Variants in TMEM178B observed in about 807,000 individuals in gnomAD.
TMEM178B encodes the protein transmembrane protein 178B.
A neutral mutation model predicts 31.0 loss-of-function variants in TMEM178B; 5 were observed. The ratio of observed to expected loss-of-function variants is 0.16; its 90% CI spans 0.08 to 0.34. The LOEUF (loss-of-function observed/expected upper bound fraction) is 0.34. Among genes scored for constraint, TMEM178B ranks in the 10% least tolerant of loss-of-function variants. The probability of loss-of-function intolerance (pLI) is 1.00; values close to 1 mark genes in which losing one functional copy is unlikely to be tolerated. For synonymous variants in TMEM178B, 164 were observed against 164.0 expected (o/e 1.00, Z 0.00); for missense variants, 275 against 400.3 (o/e 0.69, Z 2.67).
chr7:141,141,222 C>T lies in TMEM178B; in HGVS notation c.382+66530C>T, dbSNP rs527550230. Among the ~76,000 whole-genome samples the T allele has an allele frequency of 3.3e-5, 5 of 152,170 alleles. No individual in the cohort carries two copies. The South Asian group carries it at 1.0e-3, about 32-fold the overall frequency. ...GCTTATTTTGTTGCTCCAATTGTTC[C>T]AACCTTGGCCTTTGGTAGCTCTTCC... is the stretch of plus-strand genomic sequence containing the variant. On this transcript the variant is annotated intron_variant, in intron 1 of 3. Transcript: ENST00000565468.
At chr7:141,404,823 G>C (rs116705944) in intron 2 of TMEM178B, among the ~76,000 whole-genome samples, 3,424 of 152,298 alleles carry the variant, frequency 0.022, 50 homozygotes, top group Middle Eastern at 0.037. Context: ...TTCTGAGACT[G>C]TCTGGCTGCT....
Position 141,189,397 on chromosome 7 carries a change from G to A in TMEM178B, c.383-23194G>A, listed in dbSNP as rs568118185. ...GGCCTGTGGGCCGATGCTGGTGGGC[G>A]GGCAGATAGCAGATGGGCAGAGCAG... is the stretch of plus-strand genomic sequence containing the variant. On this transcript the variant is annotated intron_variant, in intron 1 of 3. Coordinates refer to ENST00000565468, the MANE Select transcript of TMEM178B (RefSeq NM_001195278.2). Among the ~76,000 whole-genome samples the A allele has an allele frequency of 1.1e-4, 16 of 152,308 alleles. No homozygotes were observed. In the East Asian group the frequency reaches 2.3e-3, roughly 22 times the overall value.
At chr7:141,320,665 T>C (rs1242215320) in intron 2 of TMEM178B, among the ~76,000 whole-genome samples, 1 of 152,222 alleles carries the variant, frequency 6.6e-6, no homozygotes, top group Admixed American at 6.5e-5. Flanking sequence ...ATTCATTCAC[T>C]CAGCACATTG....
intron 2 of TMEM178B, among the ~76,000 whole-genome samples, chr7:141,226,065 G>A (rs12334085): frequency 0.51 from 76,823 of 151,998 alleles, 21,024 homozygotes; most frequent in African/African-American, 0.72. Context: ...GTGTGGAGGT[G>A]ACACATTTGA....
At chr7:141,454,033 C>T (rs922360600) in intron 3 of TMEM178B, among the ~76,000 whole-genome samples, 15 of 152,132 alleles carry the variant, frequency 9.9e-5, no homozygotes, top group African/African-American at 3.1e-4. Flanking sequence ...CTGTGTCCTT[C>T]CCATTGCCAC....
At chr7:141,227,540 G>A (rs539752641) in intron 2 of TMEM178B, among the ~76,000 whole-genome samples, 31 of 152,278 alleles carry the variant, frequency 2.0e-4, no homozygotes, top group African/African-American at 7.2e-4. Flanking sequence ...GCTAACAGAG[G>A]TTAAATAACT....
At chr7:141,244,445 A>G (rs1032619139) in intron 2 of TMEM178B, among the ~76,000 whole-genome samples, 1 of 152,216 alleles carries the variant, frequency 6.6e-6, no homozygotes, top group East Asian at 1.9e-4. Flanking sequence ...TTGGAATAAA[A>G]GGGGCTAAAA....
intron 2 of TMEM178B, among the ~76,000 whole-genome samples, chr7:141,238,679 C>T (rs549290674): frequency 2.0e-5 from 3 of 152,302 alleles, no homozygotes; most frequent in African/African-American, 2.4e-5. Flanking sequence ...AGCAGTAACG[C>T]GGCTGGGGGC....
intron 3 of TMEM178B, among the ~76,000 whole-genome samples, chr7:141,467,034 G>A (rs907080547): frequency 1.3e-5 from 2 of 151,900 alleles, no homozygotes; most frequent in Non-Finnish European, 2.9e-5. Flanking sequence ...CTCCTCTCCT[G>A]CCCCTGCTTC....
chr7:141,130,030 C>T (rs997435510), intron 1 of TMEM178B, among the ~76,000 whole-genome samples: 86 of 152,062 alleles, frequency 5.7e-4, no homozygotes, highest in South Asian at 4.1e-4. Context: ...AATAGATGAC[C>T]GATGTTTCCT....
intron 2 of TMEM178B, among the ~76,000 whole-genome samples, chr7:141,231,691 A>G (rs1797449442): frequency 6.6e-6 from 1 of 152,240 alleles, no homozygotes; most frequent in Non-Finnish European, 1.5e-5. Flanking sequence ...GCACAGTGGC[A>G]TGGCTCCCTC....
chr7:141,306,308 G>T (rs989327384), intron 2 of TMEM178B, among the ~76,000 whole-genome samples: 1 of 152,182 alleles, frequency 6.6e-6, no homozygotes. Context: ...AGAAGCACAT[G>T]GGAGGGGCCA....
At chr7:141,260,810 A>G (rs535683374) in intron 2 of TMEM178B, among the ~76,000 whole-genome samples, 6 of 152,356 alleles carry the variant, frequency 3.9e-5, no homozygotes. Context: ...TAAAGATAAA[A>G]CCATGTAAGA....
the TMEM178B span, among the ~76,000 whole-genome samples, chr7:141,508,960 C>G: frequency 6.6e-6 from 1 of 152,344 alleles, no homozygotes; most frequent in African/African-American, 2.4e-5. Context: ...TGCAGCAACA[C>G]TGATTTCTTA....
intron 3 of TMEM178B, among the ~76,000 whole-genome samples, chr7:141,460,560 G>T (rs1421377496): frequency 6.6e-6 from 1 of 152,246 alleles, no homozygotes; most frequent in East Asian, 1.9e-4. Flanking sequence ...GAAGACTCCA[G>T]GTTCTAGGAT....
At chr7:141,488,292 A>G in the TMEM178B span, among the ~76,000 whole-genome samples, 6 of 152,228 alleles carry the variant, frequency 3.9e-5, no homozygotes, top group African/African-American at 1.4e-4. Context: ...GCCTTTTAAT[A>G]TAACTTTCAA....
chr7:141,171,017 T>TACACAC lies in TMEM178B; in HGVS notation c.383-41531_383-41526dup, dbSNP rs57427295. On this transcript the variant is annotated intron_variant, in intron 1 of 3. Coordinates refer to ENST00000565468, the MANE Select transcript of TMEM178B (RefSeq NM_001195278.2). This position sits in a 1 kb window ranked among gnomAD's most constrained non-coding sequence, Gnocchi z 4.3. ...GTTCAGACTACACATCACACACACA[T>TACACAC]ACACACACACACACACACACACACA... 5.5e-5 allele frequency among the ~76,000 whole-genome samples: 8 copies of TACACAC among 146,050 alleles called. No homozygotes were observed. The highest frequency in any genetic ancestry group is 1.8e-4 in the African/African-American group (7 of 39,544).
intron 2 of TMEM178B, among the ~76,000 whole-genome samples, chr7:141,432,869 G>C (rs1309559326): frequency 6.6e-6 from 1 of 152,192 alleles, no homozygotes; most frequent in Non-Finnish European, 1.5e-5. Context: ...CTTCATTGTA[G>C]AGGGGTCTGA....
intron 2 of TMEM178B, among the ~76,000 whole-genome samples, chr7:141,406,038 G>A (rs1290866587): frequency 6.6e-6 from 1 of 152,004 alleles, no homozygotes. Context: ...GGTTCAAATG[G>A]CAGATAAAAT....
Sources: gnomAD v4.1 joint callset for allele counts (sites outside exome capture counted in the v4.1 genomes callset) on GRCh38, gnomAD v4.1.1 for gene constraint, Gnocchi (gnomAD v3.1) non-coding constraint, MANE v1.5 for transcripts, NCBI Gene and HGNC (gene_info 2026-07-23, HGNC 2026-07-21) for gene names.